Variants in NCOA2 observed in about 807,000 individuals in gnomAD.
NCOA2 encodes nuclear receptor coactivator 2.
NCOA2 carries 21 observed loss-of-function variants against 145.1 expected under a neutral mutation model. That is an observed-to-expected ratio of 0.14 (90% CI 0.10 to 0.21). The LOEUF (loss-of-function observed/expected upper bound fraction) is 0.21. Among genes scored for constraint, NCOA2 ranks in the 10% least tolerant of loss-of-function variants. The probability of loss-of-function intolerance (pLI) is 1.00; values close to 1 mark genes in which losing one functional copy is unlikely to be tolerated. For synonymous variants in NCOA2, 619 were observed against 637.5 expected, an observed-to-expected ratio of 0.97 and a Z score of 0.44; for missense variants, 1,472 against 1,837.6, an observed-to-expected ratio of 0.80 and a Z score of 3.64.
intron 1 of NCOA2, among the ~76,000 whole-genome samples, chr8:70,390,949 A>G (rs1813145514): frequency 6.6e-6 from 1 of 152,206 alleles, no homozygotes; most frequent in South Asian, 2.1e-4. Context: ...TCTCAAAGTG[A>G]GAATGAACCC....
the NCOA2 span, among the ~76,000 whole-genome samples, chr8:70,450,768 T>A: frequency 2.1e-3 from 322 of 151,028 alleles, no homozygotes; most frequent in Non-Finnish European, 3.1e-3. Context: ...TTAGTAGAGA[T>A]GGGGGCCACG....
chr8:70,422,412 T>C, the NCOA2 span, among the ~76,000 whole-genome samples: 1 of 151,974 alleles, frequency 6.6e-6, no homozygotes, highest in Non-Finnish European at 1.5e-5. Flanking sequence ...TTTTTTTTTT[T>C]TGTTGTCATT....
chr8:70,143,186 C>T (rs1810653327), intron 13 of NCOA2, among the ~76,000 whole-genome samples: 1 of 152,014 alleles, frequency 6.6e-6, no homozygotes, highest in Non-Finnish European at 1.5e-5. Context: ...CTGACCTTGT[C>T]ATCCACCCGC....
chr8:70,143,158 C>G (rs185700982), intron 13 of NCOA2, among the ~76,000 whole-genome samples: 1 of 152,102 alleles, frequency 6.6e-6, no homozygotes, highest in Non-Finnish European at 1.5e-5. Context: ...CCATGTTGGT[C>G]GGGATGGTCT....
chr8:70,415,241 A>G, the NCOA2 span, among the ~76,000 whole-genome samples: 2 of 151,890 alleles, frequency 1.3e-5, no homozygotes, highest in African/African-American at 2.4e-5. Flanking sequence ...AGGTGTGAGG[A>G]TCGCTTGAAC....
intron 1 of NCOA2, among the ~76,000 whole-genome samples, chr8:70,372,439 T>C (rs1315396055): frequency 1.3e-5 from 2 of 152,204 alleles, no homozygotes; most frequent in African/African-American, 4.8e-5. Flanking sequence ...AAAGAAGCAA[T>C]TAACAAGTAC....
At chr8:70,402,965 G>A (rs1814484866) in intron 1 of NCOA2, among the ~76,000 whole-genome samples, 2 of 142,320 alleles carry the variant, frequency 1.4e-5, no homozygotes, top group Non-Finnish European at 3.1e-5. Context: ...TCCGCCCGCG[G>A]TGCTCGGCGC....
At chr8:70,368,931 C>T (rs754576145) in intron 1 of NCOA2, among the ~76,000 whole-genome samples, 11 of 151,994 alleles carry the variant, frequency 7.2e-5, no homozygotes, top group Admixed American at 2.0e-4. Flanking sequence ...ACAAAAGTAG[C>T]ATCTCTGATA....
upstream of NCOA2, among the ~76,000 whole-genome samples, chr8:70,404,237 A>G (rs747151453): frequency 1.8e-4 from 27 of 152,218 alleles, no homozygotes; most frequent in Admixed American, 9.8e-4. Context: ...GAGAGAGTCA[A>G]CAGAGGACTG....
At chr8:70,358,330 A>C (rs542569590) in intron 1 of NCOA2, among the ~76,000 whole-genome samples, 45 of 152,348 alleles carry the variant, frequency 3.0e-4, no homozygotes, top group African/African-American at 1.1e-3. Flanking sequence ...AGAAGAACAA[A>C]GTTGAAGAAC....
At chr8:70,142,639 T>C (rs763708878) in intron 13 of NCOA2, among the ~76,000 whole-genome samples, 39 of 152,238 alleles carry the variant, frequency 2.6e-4, no homozygotes, top group Non-Finnish European at 4.9e-4. Context: ...GTTGAAGCTA[T>C]GGTGAGCTGT....
intron 2 of NCOA2, among the ~76,000 whole-genome samples, chr8:70,284,435 T>C (rs1332036572): frequency 1.3e-5 from 2 of 152,228 alleles, no homozygotes; most frequent in Non-Finnish European, 2.9e-5. Context: ...AGCAATGTCC[T>C]AGAAAATAAA....
intron 1 of NCOA2, among the ~76,000 whole-genome samples, chr8:70,299,660 T>C (rs756453050): frequency 2.6e-5 from 4 of 152,206 alleles, no homozygotes; most frequent in Non-Finnish European, 5.9e-5. Flanking sequence ...TTATCTGAAG[T>C]GTTGACAAGG....
At position 70,112,925 on chromosome 8, in the gene NCOA2, A is replaced by C. The variant is rs1253742510; in HGVS notation, c.*707T>G. The C allele has an allele frequency of 5.1e-6, 1 of 197,760 alleles. No homozygotes were observed. The highest frequency in any genetic ancestry group is 1.0e-5 in the Non-Finnish European group (1 of 95,532). 12.3% of individuals were successfully genotyped at this position (197,760 alleles called of 1,614,324 possible). A position where few individuals can be genotyped will look rare whatever the true frequency, so the allele number is the denominator to read the frequency against. ...TCAGGTGAACCAGTTTGGTTTTAAC[A>C]AAGAAAAAACAAGGAAAAAATATTT... is the stretch of plus-strand genomic sequence containing the variant. On this transcript the variant is annotated 3_prime_UTR_variant, in exon 23 of 23. Coordinates refer to ENST00000452400, the MANE Select transcript of NCOA2 (RefSeq NM_006540.4).
At chr8:70,383,283 G>T (rs1483192029) in intron 1 of NCOA2, among the ~76,000 whole-genome samples, 1 of 152,216 alleles carries the variant, frequency 6.6e-6, no homozygotes, top group Non-Finnish European at 1.5e-5. Flanking sequence ...CCAAGGAGGA[G>T]CTGGACCAGG....
intron 21 of NCOA2, among the ~76,000 whole-genome samples, chr8:70,122,920 T>G (rs1807982445): frequency 6.6e-6 from 1 of 152,250 alleles, no homozygotes; most frequent in Non-Finnish European, 1.5e-5. Flanking sequence ...TTTCTCCTTA[T>G]ATGAAATAAG....
At chr8:70,206,013 CAA>C (rs1277744263) in intron 4 of NCOA2, among the ~76,000 whole-genome samples, 5 of 152,188 alleles carry the variant, frequency 3.3e-5, no homozygotes, top group African/African-American at 1.2e-4. Context: ...CTGACAAGTA[CAA>C]GAGAGGGCTG....
At chr8:70,381,757 A>C (rs78342985) in intron 1 of NCOA2, among the ~76,000 whole-genome samples, 8,335 of 152,288 alleles carry the variant, frequency 0.055, 304 homozygotes, top group East Asian at 0.16. Flanking sequence ...ATTTTACTTG[A>C]CATTTCCCAA....
At chr8:70,453,653 C>G in the NCOA2 span, among the ~76,000 whole-genome samples, 1 of 152,190 alleles carries the variant, frequency 6.6e-6, no homozygotes, top group South Asian at 2.1e-4. Context: ...GAGGCCCTCT[C>G]GAAGGGCTAT....
Sources: allele counts gnomAD v4.1 joint callset (sites outside exome capture counted in the v4.1 genomes callset), GRCh38; gene constraint gnomAD v4.1.1; transcripts MANE v1.5; gene names NCBI Gene and HGNC (gene_info 2026-07-23, HGNC 2026-07-21).